Variants in PUM2 observed in about 807,000 individuals in gnomAD.
The protein encoded by PUM2 is pumilio RNA binding family member 2.
In PUM2, 57 loss-of-function variants were observed where a neutral mutation model predicts 124.5. That is an observed-to-expected ratio of 0.46 (90% CI 0.37 to 0.57). The LOEUF (loss-of-function observed/expected upper bound fraction) is 0.57, where lower values mean the gene tolerates loss of function less well. Among genes scored for constraint, PUM2 ranks in the 20% least tolerant of loss-of-function variants. The pLI is 0.00. For missense variants in PUM2, 1,065 were observed against 1,290.6 expected (o/e 0.83, Z 2.68); for synonymous variants, 460 against 446.1 (o/e 1.03, Z -0.39).
Position 20,278,633 on chromosome 2 carries a change from G to GT in PUM2, c.1906dup (p.Thr636AsnfsTer24), listed in dbSNP as rs1670802546. 6.2e-7 allele frequency: 1 copy of GT among 1,613,380 alleles called. No individual in the cohort carries two copies. On this transcript the variant is annotated frameshift_variant, in exon 13 of 21. Transcript: ENST00000361078. LOFTEE classifies it high-confidence loss of function. ...ATGTGATGAAAGTGATGGCGGTGGCGTAAGTGAATGTCCTGGAGTTTGGCT... is the reference window on the plus strand; with the variant it reads ...ATGTGATGAAAGTGATGGCGGTGGCGTTAAGTGAATGTCCTGGAGTTTGGCT...
chr2:20,273,198 A>T (rs138231277), intron 13 of PUM2, among the ~76,000 whole-genome samples: 15 of 152,374 alleles, frequency 9.8e-5, no homozygotes, highest in African/African-American at 3.4e-4. Flanking sequence ...CAGTGGGACG[A>T]AACTATTTTT....
Position 20,256,048 on chromosome 2 carries a change from A to T in PUM2, c.2607T>A (p.Asp869Glu). The T allele has an allele frequency of 6.4e-7, 1 of 1,569,536 alleles. No individual in the cohort carries two copies. Among genetic ancestry groups the T allele is most frequent in the Non-Finnish European group, 8.6e-7 (1 of 1,164,482 alleles). ...TCAAACATACTTGTCCCTTGAAAGC[A>T]TCAATGATGAACTGTAGTGACTGTG... ...VQPQSLQFII[D>E]AFKGQVFVLS... Residue 869 changes from aspartate to glutamate, a missense_variant, in exon 17 of 21, where the codon GAT becomes GAA. Asp to Glu is a conservative substitution (Grantham distance 45). This residue lies in a region of PUM2 where 968 missense variants were observed against 1,159.8 expected (regional missense o/e 0.83). Coordinates refer to ENST00000361078, the MANE Select transcript of PUM2 (RefSeq NM_015317.5).
chr2:20,352,009 G>C (rs1168220619), upstream of PUM2, among the ~76,000 whole-genome samples: 4 of 152,074 alleles, frequency 2.6e-5, no homozygotes. Flanking sequence ...TTGTCACCAA[G>C]CATGTTAAAA....
At chr2:20,317,391 A>ACAC (rs1681218987) in intron 3 of PUM2, among the ~76,000 whole-genome samples, 1 of 152,164 alleles carries the variant, frequency 6.6e-6, no homozygotes. Flanking sequence ...TCTTACCAAG[A>ACAC]CAGTCTACTT....
intron 2 of PUM2, among the ~76,000 whole-genome samples, chr2:20,319,138 A>G (rs1209615818): frequency 6.6e-6 from 1 of 152,206 alleles, no homozygotes; most frequent in African/African-American, 2.4e-5. Flanking sequence ...TCAAACCCAT[A>G]ACAAAAAGCT....
At chr2:20,347,323 C>T (rs903955262) in intron 1 of PUM2, among the ~76,000 whole-genome samples, 5 of 152,038 alleles carry the variant, frequency 3.3e-5, no homozygotes, top group African/African-American at 7.3e-5. Flanking sequence ...TTTAATTAGG[C>T]GTGTCTTGAT....
At chr2:20,336,782 GTGTGTGTGT>G (rs1686196998) in intron 1 of PUM2, among the ~76,000 whole-genome samples, 1 of 144,848 alleles carries the variant, frequency 6.9e-6, no homozygotes, top group African/African-American at 2.5e-5. Context: ...GTGTGTGTGT[GTGTGTGTGT>G]GTGTGTGTGT....
At chr2:20,319,770 C>A (rs1227527998) in intron 2 of PUM2, among the ~76,000 whole-genome samples, 3 of 152,074 alleles carry the variant, frequency 2.0e-5, no homozygotes. Flanking sequence ...CAGATGCTGG[C>A]AGATCAGATT....
In PUM2 at chr2:20,289,172, C is replaced by G. The variant is rs567114089; in HGVS notation, c.1291+1480G>C. 8.5e-4 allele frequency among the ~76,000 whole-genome samples: 129 copies of G among 152,014 alleles called. 1 individual carries two copies. The highest frequency in any genetic ancestry group is 3.1e-3 in the African/African-American group (127 of 41,438). On this transcript the variant is annotated intron_variant, in intron 10 of 20. Coordinates refer to ENST00000361078, the MANE Select transcript of PUM2 (RefSeq NM_015317.5). ...AAAAGTTGGGTGTGGTGGCACGTGC[C>G]TAAGAAATGAGTAATAGGGCCAGCA...
rs1178339794 is a variant in PUM2, at chr2:20,260,319, A to C, written c.2355+18T>G. 6.3e-7 allele frequency: 1 copy of C among 1,595,542 alleles called. No individual in the cohort carries two copies. Among genetic ancestry groups the C allele is most frequent in the Non-Finnish European group, 8.6e-7 (1 of 1,168,538 alleles). ...AACAGCTGGATGGGCGGATATACAA[A>C]TATGCATGAATCCTTACCTCAAAAA... On this transcript the variant is annotated intron_variant, in intron 15 of 20. Transcript: ENST00000361078.
rs531416577 is a variant in PUM2, at chr2:20,256,774, G to A, written c.2485-604C>T. Among the ~76,000 whole-genome samples, 27 of 152,038 alleles carry A rather than the reference G, an allele frequency of 1.8e-4. No homozygotes were observed. The South Asian group carries it at 5.0e-3, about 28-fold the overall frequency. On this transcript the variant is annotated intron_variant, in intron 16 of 20. Transcript: ENST00000361078. ...TAATAAAGTGCTTATAGCCAGATGCGATGGCTCACACCTGTAATCCCAGCA... is the reference window on the plus strand; with the variant it reads ...TAATAAAGTGCTTATAGCCAGATGCAATGGCTCACACCTGTAATCCCAGCA...
chr2:20,336,361 T>C (rs1373503958), intron 1 of PUM2, among the ~76,000 whole-genome samples: 3 of 152,020 alleles, frequency 2.0e-5, no homozygotes, highest in Non-Finnish European at 4.4e-5. Context: ...ATTTTTGTAT[T>C]TTTTGTAGAG....
intron 20 of PUM2, among the ~76,000 whole-genome samples, chr2:20,252,033 A>C (rs1663500552): frequency 6.6e-6 from 1 of 152,210 alleles, no homozygotes. Flanking sequence ...TTACAAAAAG[A>C]CTTTTGTACA....
At chr2:20,277,211 A>G (rs1161095318) in intron 13 of PUM2, among the ~76,000 whole-genome samples, 2 of 152,128 alleles carry the variant, frequency 1.3e-5, no homozygotes, top group Non-Finnish European at 2.9e-5. Flanking sequence ...AACTATTATG[A>G]TAAGTCTTAG....
chr2:20,343,001 C>G (rs1687516372), intron 1 of PUM2, among the ~76,000 whole-genome samples: 1 of 151,940 alleles, frequency 6.6e-6, no homozygotes, highest in Non-Finnish European at 1.5e-5. Flanking sequence ...ACTCTGTCAC[C>G]CAGGCTAGAG....
At position 20,253,975 on chromosome 2, in the gene PUM2, A is replaced by G. The variant is rs200442732; in HGVS notation, c.2910T>C (p.Ala970=). Residue 970 remains alanine, a synonymous_variant, in exon 20 of 21, where the codon GCT becomes GCC. Transcript: ENST00000361078. ...VEKCVTHASR[A]ERALLIDEVC... Reference sequence around the variant, plus strand: ...CCTCGTCAATCAGTAAAGCTCTCTCAGCACGGGAGGCATGAGTAACACACT... The same window carrying G: ...CCTCGTCAATCAGTAAAGCTCTCTCGGCACGGGAGGCATGAGTAACACACT... The G allele has an allele frequency of 2.0e-5, 33 of 1,614,070 alleles. No individual in the cohort carries two copies. Among genetic ancestry groups the G allele is most frequent in the Non-Finnish European group, 2.7e-5 (32 of 1,179,928 alleles).
At chr2:20,319,984 T>A (rs1394886187) in intron 2 of PUM2, among the ~76,000 whole-genome samples, 13 of 152,148 alleles carry the variant, frequency 8.5e-5, no homozygotes. Flanking sequence ...AAGAGGGTAC[T>A]GGGCCAGGAG....
chr2:20,312,467 T>C, intron 3 of PUM2, 44 bp from the exon 4 acceptor site: 2 of 1,512,802 alleles, frequency 1.3e-6, no homozygotes, highest in East Asian at 2.4e-5. Flanking sequence ...TACTTTTAAG[T>C]TAAACAAAAT....
At chr2:20,257,673 C>T (rs1350749472) in intron 16 of PUM2, among the ~76,000 whole-genome samples, 1 of 152,122 alleles carries the variant, frequency 6.6e-6, no homozygotes, top group African/African-American at 2.4e-5. Context: ...TGATTTTAAG[C>T]ATTATTTTGA....
Sources: allele counts gnomAD v4.1 joint callset (sites outside exome capture counted in the v4.1 genomes callset), GRCh38; gene constraint gnomAD v4.1.1; regional missense constraint gnomAD v4.1.1; transcripts MANE v1.5; gene names NCBI Gene and HGNC (gene_info 2026-07-23, HGNC 2026-07-21).